UCHL3: variants seen among roughly 807,000 people sequenced by gnomAD.
The protein encoded by UCHL3 is ubiquitin C-terminal hydrolase L3, also known as ubiquitin carboxyl-terminal hydrolase isozyme L3.
In UCHL3, 22 loss-of-function variants were observed where a neutral mutation model predicts 35.8. That is an observed-to-expected ratio of 0.61 (90% CI 0.44 to 0.88). The LOEUF is 0.88. Ranked by LOEUF, UCHL3 falls within the 40% of genes least tolerant of loss-of-function variation. UCHL3 has a pLI of 0.00. For synonymous variants in UCHL3, 90 were observed against 92.8 expected, an observed-to-expected ratio of 0.97 and a Z score of 0.17; for missense variants, 229 against 276.9, an observed-to-expected ratio of 0.83 and a Z score of 1.23.
At chr13:75,576,643 C>T (rs4885317) in intron 6 of UCHL3, among the ~76,000 whole-genome samples, 5 of 152,138 alleles carry the variant, frequency 3.3e-5, no homozygotes, top group South Asian at 2.1e-4. Context: ...CATGAGCCAC[C>T]GCTCCTGGCC....
At chr13:75,556,984 G>A (rs2031313466) in intron 2 of UCHL3, among the ~76,000 whole-genome samples, 1 of 152,196 alleles carries the variant, frequency 6.6e-6, no homozygotes, top group Non-Finnish European at 1.5e-5. Context: ...TGGGAGGCCG[G>A]GGCCAGAGGA....
chr13:75,555,032 A>G (rs1197941472), intron 2 of UCHL3, among the ~76,000 whole-genome samples: 2 of 152,228 alleles, frequency 1.3e-5, no homozygotes, highest in South Asian at 2.1e-4. Context: ...GCTAAGGATA[A>G]TGGCATCCAG....
At chr13:75,564,151 A>G (rs961492986) in intron 3 of UCHL3, among the ~76,000 whole-genome samples, 1 of 149,888 alleles carries the variant, frequency 6.7e-6, no homozygotes, top group Non-Finnish European at 1.5e-5. Flanking sequence ...GGAAGTGCAG[A>G]TATCTTTTTT....
intron 6 of UCHL3, among the ~76,000 whole-genome samples, chr13:75,588,600 G>A (rs900689791): frequency 1.3e-5 from 2 of 152,046 alleles, no homozygotes; most frequent in African/African-American, 4.8e-5. Flanking sequence ...TTTTAACCCC[G>A]CATCAAAATG....
intron 7 of UCHL3, among the ~76,000 whole-genome samples, chr13:75,599,016 C>G (rs2032712547): frequency 6.6e-6 from 1 of 152,098 alleles, no homozygotes; most frequent in Admixed American, 6.6e-5. Context: ...TTACTGCAGA[C>G]TTGGCCTTTG....
At chr13:75,600,826 C>T (rs542206711) in intron 7 of UCHL3, among the ~76,000 whole-genome samples, 4 of 152,294 alleles carry the variant, frequency 2.6e-5, no homozygotes, top group Admixed American at 1.3e-4. Flanking sequence ...ACTATAGCTG[C>T]CACAGTGATT....
intron 6 of UCHL3, among the ~76,000 whole-genome samples, chr13:75,580,003 A>G (rs1359954688): frequency 6.6e-6 from 1 of 152,188 alleles, no homozygotes. Flanking sequence ...TAACATGGAG[A>G]ATTATAAACT....
chr13:75,569,496 G>A lies in UCHL3; in HGVS notation c.463G>A (p.Gly155Ser). 1 of 1,609,642 alleles carries A rather than the reference G, an allele frequency of 6.2e-7. No homozygotes were observed. The highest frequency in any genetic ancestry group is 8.5e-7 in the Non-Finnish European group (1 of 1,178,408). The change falls in exon 6 of 9, where the codon GGT (glycine) becomes AGT (serine). Residue 155 changes from glycine (G) to serine (S), a missense_variant. Coordinates refer to ENST00000377595, the MANE Select transcript of UCHL3 (RefSeq NM_006002.5). The part of the protein sequence containing the change: ...RVTHETSAHE[G>S]QTEAPSIDEK... ...TACTCATGAGACCAGTGCCCATGAA[G>A]GTCAGACTGAGGTATTTCACATTTT...
In UCHL3 at chr13:75,604,803, A is replaced by T; in HGVS notation, c.585A>T (p.Glu195Asp). The change falls in exon 8 of 9, where the codon GAA becomes GAT. Residue 195 changes from glutamate (E) to aspartate (D), a missense_variant. Coordinates refer to ENST00000377595, the MANE Select transcript of UCHL3 (RefSeq NM_006002.5). ...GRKPFPINHG[E>D]TSDETLLEDA... ...AGCCATTTCCAATTAACCATGGTGA[A>T]ACTAGTGATGAAACTTTATTAGAGG... 6.2e-7 allele frequency: 1 copy of T among 1,600,336 alleles called. No homozygotes were observed. Among genetic ancestry groups the T allele is most frequent in the Middle Eastern group, 1.7e-4 (1 of 6,032 alleles).
chr13:75,568,709 C>T (rs958876436), intron 5 of UCHL3, among the ~76,000 whole-genome samples: 2 of 151,768 alleles, frequency 1.3e-5, no homozygotes, highest in African/African-American at 4.8e-5. Context: ...CTGCAAGGTA[C>T]ATCATTGTAG....
chr13:75,552,507 T>G (rs184147722), intron 2 of UCHL3, among the ~76,000 whole-genome samples: 1 of 152,354 alleles, frequency 6.6e-6, no homozygotes, highest in East Asian at 1.9e-4. Context: ...GTCTACTATA[T>G]GCAGATGAGT....
chr13:75,572,563 A>G (rs1165824020), intron 6 of UCHL3, among the ~76,000 whole-genome samples: 1 of 152,166 alleles, frequency 6.6e-6, no homozygotes, highest in East Asian at 1.9e-4. Flanking sequence ...TCATTTGTGC[A>G]TGTTCCAAAT....
At chr13:75,580,554 C>T (rs908852843) in intron 6 of UCHL3, among the ~76,000 whole-genome samples, 1 of 151,818 alleles carries the variant, frequency 6.6e-6, no homozygotes, top group Non-Finnish European at 1.5e-5. Context: ...CTTGTCCTCT[C>T]CCTCTCCCTC....
intron 2 of UCHL3, 104 bp downstream of exon 2, chr13:75,550,091 A>G (rs2031027186): frequency 4.4e-6 from 7 of 1,573,096 alleles, no homozygotes; most frequent in Non-Finnish European, 5.2e-6. Flanking sequence ...TCTGGGATTT[A>G]ATTTCTTGAG....
chr13:75,571,818 C>T (rs989379509), intron 6 of UCHL3, among the ~76,000 whole-genome samples: 2 of 152,080 alleles, frequency 1.3e-5, no homozygotes, highest in African/African-American at 4.8e-5. Context: ...CCATCTCCCA[C>T]AGTTTAGAAA....
intron 8 of UCHL3, 113 bp downstream of exon 8, chr13:75,604,940 TTC>T (rs2032891224): frequency 1.1e-6 from 1 of 872,510 alleles, no homozygotes; most frequent in Non-Finnish European, 1.6e-6. Flanking sequence ...TTTATCCTTG[TTC>T]TCTCTAGAAA....
chr13:75,560,904 A>G, intron 3 of UCHL3, 23 bp downstream of exon 3: 1 of 1,489,408 alleles, frequency 6.7e-7, no homozygotes, highest in Non-Finnish European at 8.9e-7. Flanking sequence ...TAAAATAGAA[A>G]GTTTCTGGTA....
intron 2 of UCHL3, among the ~76,000 whole-genome samples, chr13:75,556,166 A>G (rs2031286991): frequency 6.6e-6 from 1 of 152,208 alleles, no homozygotes; most frequent in African/African-American, 2.4e-5. Flanking sequence ...CTAACATTGT[A>G]TCACCTTTGT....
intron 7 of UCHL3, among the ~76,000 whole-genome samples, chr13:75,597,396 A>G (rs1257524096): frequency 6.6e-6 from 1 of 152,168 alleles, no homozygotes; most frequent in Non-Finnish European, 1.5e-5. Context: ...AGAAGACACT[A>G]TATAACTTTT....
Sources: allele counts gnomAD v4.1 joint callset (sites outside exome capture counted in the v4.1 genomes callset), GRCh38; gene constraint gnomAD v4.1.1; transcripts MANE v1.5; gene names NCBI Gene and HGNC (gene_info 2026-07-23, HGNC 2026-07-21).